Variants in ATP10A observed in about 807,000 individuals in gnomAD.
The protein encoded by ATP10A is phospholipid-transporting ATPase VA.
In ATP10A, 111 loss-of-function variants were observed where a neutral mutation model predicts 147.8. That is an observed-to-expected ratio of 0.75 (90% CI 0.64 to 0.88). ATP10A has a LOEUF of 0.88. ATP10A is among the 40% of genes least tolerant of loss of function. The probability of loss-of-function intolerance (pLI) is 0.00; values close to 1 mark genes in which losing one functional copy is unlikely to be tolerated. For missense variants in ATP10A, 1,927 were observed against 1,959.0 expected (o/e 0.98, Z 0.31); for synonymous variants, 875 against 841.6 (o/e 1.04, Z -0.69).
intron 3 of ATP10A, among the ~76,000 whole-genome samples, chr15:25,734,846 C>T (rs1887170988): frequency 6.6e-6 from 1 of 152,094 alleles, no homozygotes; most frequent in South Asian, 2.1e-4. Flanking sequence ...TTGGGTCATC[C>T]CCAGCCCTAC....
chr15:25,774,918 TGA>T (rs1281055685), intron 2 of ATP10A, among the ~76,000 whole-genome samples: 6 of 152,210 alleles, frequency 3.9e-5, no homozygotes, highest in African/African-American at 1.4e-4. Flanking sequence ...AAGAAAATTA[TGA>T]GATTGTTAAA....
rs372484089 is a variant in ATP10A at position 25,856,623 on chromosome 15, C to T, written c.449+6025G>A. On this transcript the variant is annotated intron_variant, in intron 1 of 20. Coordinates refer to ENST00000555815, the MANE Select transcript of ATP10A (RefSeq NM_024490.4). ...TTCCTATAATAAATTAGGACACCAC[C>T]ATTTGGCAACCTCTAACAAATCAAT... Among the ~76,000 whole-genome samples, 45 of 152,288 alleles carry T rather than the reference C, an allele frequency of 3.0e-4. No individual in the cohort carries two copies. In the East Asian group the frequency reaches 6.8e-3, roughly 23 times the overall value.
chr15:25,694,279 C>T (rs1160644567), intron 14 of ATP10A, among the ~76,000 whole-genome samples: 2 of 152,242 alleles, frequency 1.3e-5, no homozygotes, highest in South Asian at 2.1e-4. Context: ...TAAAACTGAG[C>T]AGTGATGCGT....
At chr15:25,692,901 A>G (rs572845800) in intron 14 of ATP10A, among the ~76,000 whole-genome samples, 1 of 150,942 alleles carries the variant, frequency 6.6e-6, no homozygotes, top group Admixed American at 6.6e-5. Context: ...CCTGGGCTCA[A>G]GTGATCCTCC....
At chr15:25,832,763 G>T (rs1190040612) in intron 1 of ATP10A, among the ~76,000 whole-genome samples, 1 of 151,976 alleles carries the variant, frequency 6.6e-6, no homozygotes, top group Non-Finnish European at 1.5e-5. Flanking sequence ...GCACTGCAGG[G>T]GGACTATAGT....
intron 1 of ATP10A, among the ~76,000 whole-genome samples, chr15:25,849,475 C>T (rs1329368300): frequency 3.3e-5 from 5 of 152,192 alleles, no homozygotes; most frequent in African/African-American, 1.2e-4. Context: ...CCAAGAATTA[C>T]AGACACCACC....
At chr15:25,810,599 A>G (rs919633559) in intron 1 of ATP10A, among the ~76,000 whole-genome samples, 17 of 152,158 alleles carry the variant, frequency 1.1e-4, no homozygotes, top group African/African-American at 3.9e-4. Flanking sequence ...GTCAGGTTAT[A>G]TATCCACCAG....
intron 1 of ATP10A, among the ~76,000 whole-genome samples, chr15:25,854,572 T>C (rs957535698): frequency 6.6e-6 from 1 of 152,200 alleles, no homozygotes; most frequent in Non-Finnish European, 1.5e-5. Context: ...CCTAGAAAGA[T>C]ACAACTATCA....
Position 25,680,108 on chromosome 15 carries a change from C to T in ATP10A, c.3866+13G>A. On this transcript the variant is annotated intron_variant, in intron 20 of 20. Transcript: ENST00000555815. ...CTCGGGGCTCAGAGGCACTATCCCG[C>T]TCCGACACCCACCTGGGCAGCAGTG... 6.2e-7 allele frequency: 1 copy of T among 1,612,342 alleles called. No individual in the cohort carries two copies. The highest frequency in any genetic ancestry group is 8.5e-7 in the Non-Finnish European group (1 of 1,179,400).
chr15:25,794,447 T>C (rs1420336605), intron 1 of ATP10A, among the ~76,000 whole-genome samples: 3 of 152,184 alleles, frequency 2.0e-5, no homozygotes, highest in Non-Finnish European at 2.9e-5. Flanking sequence ...TATCCCTAAA[T>C]TGTAATGGGC....
intron 1 of ATP10A, among the ~76,000 whole-genome samples, chr15:25,785,622 T>G (rs973330020): frequency 3.3e-5 from 5 of 152,142 alleles, no homozygotes; most frequent in Admixed American, 3.3e-4. Context: ...CACCCTGCAA[T>G]TTATCCCCAT....
chr15:25,811,264 T>C (rs1046030029), intron 1 of ATP10A, among the ~76,000 whole-genome samples: 2 of 152,180 alleles, frequency 1.3e-5, no homozygotes, highest in Non-Finnish European at 2.9e-5. Context: ...CAGCAGGCTC[T>C]CTGCGGATAA....
rs544834195 is a variant in ATP10A at position 25,758,869 on chromosome 15, C to T, written c.654+22150G>A. ...CCGATCACCTGCTCCACCCTCATTC[C>T]GACCACCTGCTCCACCCTTACTCAT... On this transcript the variant is annotated intron_variant, in intron 2 of 20. Transcript: ENST00000555815. Among the ~76,000 whole-genome samples, 6 of 149,964 alleles carry T rather than the reference C, an allele frequency of 4.0e-5. No individual in the cohort carries two copies. In the East Asian group the frequency reaches 7.9e-4, roughly 20 times the overall value.
At chr15:25,727,367 C>G in intron 3 of ATP10A, 101 bp from the exon 4 acceptor site, 1 of 1,053,106 alleles carries the variant, frequency 9.5e-7, no homozygotes, top group South Asian at 1.4e-5. Flanking sequence ...ACAATGAAAG[C>G]TTGGGGCCGC....
In ATP10A at chr15:25,718,162, A is replaced by C; in HGVS notation, c.1581+20T>G. The C allele has an allele frequency of 6.2e-7, 1 of 1,604,864 alleles. No homozygotes were observed. The highest frequency in any genetic ancestry group is 1.1e-5 in the South Asian group (1 of 90,828). ...GGAAGAGACGTGGCAGCACCCTAGC[A>C]GGAGGCCCTGTACACTCACCATGGG... is the stretch of plus-strand genomic sequence containing the variant. On this transcript the variant is annotated intron_variant, in intron 8 of 20. Coordinates refer to ENST00000555815, the MANE Select transcript of ATP10A (RefSeq NM_024490.4).
chr15:25,859,395 AG>A (rs1415973704), intron 1 of ATP10A, among the ~76,000 whole-genome samples: 2 of 152,184 alleles, frequency 1.3e-5, no homozygotes, highest in African/African-American at 2.4e-5. Context: ...TCTCAAGCGC[AG>A]GCAGCCCCTT....
At position 25,736,114 on chromosome 15, in the gene ATP10A, T is replaced by C; in HGVS notation, c.682A>G (p.Thr228Ala). 7 of 1,613,296 alleles carry C rather than the reference T, an allele frequency of 4.3e-6. No individual in the cohort carries two copies. The highest frequency in any genetic ancestry group is 4.2e-6 in the Non-Finnish European group (5 of 1,180,024). ...LVSEFNPLTF[T>A]SVIECEKPNN... ...GGCTTCTCGCATTCGATCACGCTGG[T>C]GAACGTCAAAGGATTGAATTCGGAG... The change falls in exon 3 of 21, where the codon ACC becomes GCC. Residue 228 changes from threonine (T) to alanine (A), a missense_variant. By Grantham distance (58) the Thr-to-Ala change is moderately conservative. Transcript: ENST00000555815.
intron 1 of ATP10A, among the ~76,000 whole-genome samples, chr15:25,814,253 G>C (rs1891554412): frequency 6.6e-6 from 1 of 152,204 alleles, no homozygotes. Context: ...GGAAGTGAAA[G>C]AAAACTGCCC....
At chr15:25,691,369 C>T (rs1567303541) in intron 15 of ATP10A, among the ~76,000 whole-genome samples, 2 of 152,138 alleles carry the variant, frequency 1.3e-5, no homozygotes, top group Admixed American at 6.5e-5. Flanking sequence ...GGTATTGCTC[C>T]GTGTTCACGG....
Sources: gnomAD v4.1 joint callset for allele counts (sites outside exome capture counted in the v4.1 genomes callset) on GRCh38, gnomAD v4.1.1 for gene constraint, MANE v1.5 for transcripts, NCBI Gene and HGNC (gene_info 2026-07-23, HGNC 2026-07-21) for gene names.